LPCAT4: variants seen among roughly 807,000 people sequenced by gnomAD.
LPCAT4 encodes lysophosphatidylcholine acyltransferase 4.
A neutral mutation model predicts 66.5 loss-of-function variants in LPCAT4; 30 were observed. The ratio of observed to expected loss-of-function variants is 0.45; its 90% confidence interval spans 0.34 to 0.61. The LOEUF (loss-of-function observed/expected upper bound fraction) is 0.61. LPCAT4 is among the 20% of genes least tolerant of loss of function. The pLI is 0.01. For missense variants in LPCAT4, 557 were observed against 656.7 expected (o/e 0.85, Z 1.66); for synonymous variants, 253 against 262.1 (o/e 0.97, Z 0.34).
chr15:34,362,921 C>G, intron 7 of LPCAT4, 85 bp from the exon 8 acceptor site: 1 of 1,376,078 alleles, frequency 7.3e-7, no homozygotes, highest in Non-Finnish European at 1.0e-6. Context: ...CCTTCCCCAA[C>G]CCAGGTGGGG....
At position 34,359,086 on chromosome 15, in the gene LPCAT4, T is replaced by C. The variant is rs772998235; in HGVS notation, c.*41A>G. ...GGGGCTGAGGCATAGGGGAGGCCCC[T>C]AGCGCTGCCCTGAGGAGGAGGGGGT... On this transcript the variant is annotated 3_prime_UTR_variant, in exon 14 of 14. Transcript: ENST00000314891. 4 of 1,558,768 alleles carry C rather than the reference T, an allele frequency of 2.6e-6. No homozygotes were observed. Among genetic ancestry groups the C allele is most frequent in the Non-Finnish European group, 3.5e-6 (4 of 1,147,372 alleles).
chr15:34,361,468 C>T lies in LPCAT4; in HGVS notation c.1075G>A (p.Glu359Lys). ...GAGAGCTGTAGCTGCCTGGCAAACT[C>T]TTCCTGGCTGATCATTCGACTCCGG... is the stretch of plus-strand genomic sequence containing the variant. ...PGRSRMISQE[E>K]FARQLQLSDP... Residue 359 changes from glutamate (E) to lysine (K), a missense_variant, in exon 11 of 14, where the codon GAG becomes AAG. By Grantham distance (56) the Glu-to-Lys change is moderately conservative (BLOSUM62 1). Transcript: ENST00000314891. 2.5e-6 allele frequency: 4 copies of T among 1,614,184 alleles called. No individual in the cohort carries two copies. Among genetic ancestry groups the T allele is most frequent in the Non-Finnish European group, 3.4e-6 (4 of 1,180,034 alleles).
Position 34,365,303 on chromosome 15 carries a change from A to G in LPCAT4, c.258-75T>C, listed in dbSNP as rs1839164020. ...CCCGCCCCCAGGTTCAGACACCGGG[A>G]AAGTAGGGCACCCCTCTTTTACCCT... On this transcript the variant is annotated intron_variant, in intron 2 of 13. Transcript: ENST00000314891. 25 of 1,439,518 alleles carry G rather than the reference A, an allele frequency of 1.7e-5. 2 individuals carry two copies. In the South Asian group the frequency reaches 2.7e-4, roughly 16 times the overall value. 89.2% of individuals were successfully genotyped at this position (1,439,518 alleles called of 1,614,324 possible). A position where few individuals can be genotyped will look rare whatever the true frequency, so the allele number is the denominator to read the frequency against.
chr15:34,359,500 C>T (rs920443678), intron 13 of LPCAT4, 89 bp downstream of exon 13: 45 of 1,505,946 alleles, frequency 3.0e-5, no homozygotes, highest in Non-Finnish European at 3.8e-5. Context: ...GCACTGGCCA[C>T]TAACCCTTGT....
chr15:34,365,408 G>T, intron 2 of LPCAT4, 151 bp downstream of exon 2: 1 of 1,234,584 alleles, frequency 8.1e-7, no homozygotes, highest in Non-Finnish European at 1.1e-6. Context: ...GGTGAGGTCT[G>T]GGAACCACGT....
rs373830103 is a variant in LPCAT4 at position 34,362,365 on chromosome 15, G to C, written c.885-44C>G. On this transcript the variant is annotated intron_variant, in intron 9 of 13. Coordinates refer to ENST00000314891, the MANE Select transcript of LPCAT4 (RefSeq NM_153613.3). Reference sequence around the variant, plus strand: ...TGGGATGGAGGGTAAGGAAGCAGAAGAAACTTCTGAGGGTTGGTTCCTGAC... The same window carrying C: ...TGGGATGGAGGGTAAGGAAGCAGAACAAACTTCTGAGGGTTGGTTCCTGAC... The C allele has an allele frequency of 5.6e-6, 9 of 1,611,744 alleles. No homozygotes were observed. In the African/African-American group the frequency reaches 1.2e-4, roughly 22 times the overall value.
At chr15:34,365,447 C>G in intron 2 of LPCAT4, 112 bp downstream of exon 2, 1 of 1,476,270 alleles carries the variant, frequency 6.8e-7, no homozygotes, top group South Asian at 1.3e-5. Flanking sequence ...TCTCATCTAC[C>G]CAAGCTAGAC....
chr15:34,359,206 G>A lies in LPCAT4; in HGVS notation c.1496C>T (p.Thr499Ile), dbSNP rs372160520. The A allele has an allele frequency of 3.7e-6, 6 of 1,601,108 alleles. No homozygotes were observed. The highest frequency in any genetic ancestry group is 5.1e-6 in the Non-Finnish European group (6 of 1,173,968). The part of the protein sequence containing the change: ...PPHTSRGTSQ[T>I]PNASSPGNPT... Reference sequence around the variant, plus strand: ...GTTGCCTGGGGATGAGGCATTTGGTGTCTGGGAGGTGCCTCGAGAGGTGTG... The same window carrying A: ...GTTGCCTGGGGATGAGGCATTTGGTATCTGGGAGGTGCCTCGAGAGGTGTG... Residue 499 changes from threonine to isoleucine, a missense_variant, in exon 14 of 14, where the codon ACA becomes ATA. Physicochemically the swap from Thr to Ile is moderately conservative, Grantham distance 89. This residue lies in a region of LPCAT4 where 392 missense variants were observed against 473.9 expected (regional missense o/e 0.83). Transcript: ENST00000314891.
In LPCAT4 at chr15:34,362,565, G is replaced by A; in HGVS notation, c.884+8C>T. 2.6e-6 allele frequency: 4 copies of A among 1,541,492 alleles called. No individual in the cohort carries two copies. Among genetic ancestry groups the A allele is most frequent in the Non-Finnish European group, 3.5e-6 (4 of 1,143,428 alleles). ...ACTGCTCCAGGAAATAGTTTGTGGGGCACTCACTGTGCCATGACCCTCTGA... is the reference window on the plus strand; with the variant it reads ...ACTGCTCCAGGAAATAGTTTGTGGGACACTCACTGTGCCATGACCCTCTGA... On this transcript the variant is annotated splice_region_variant and intron_variant, in intron 9 of 13. Transcript: ENST00000314891.
At chr15:34,362,138 TTCTC>T (rs3053160) in intron 10 of LPCAT4, 54 bp downstream of exon 10, 290 of 1,484,122 alleles carry the variant, frequency 2.0e-4, no homozygotes, top group Non-Finnish European at 2.1e-4. Context: ...CCCCTTCTTA[TTCTC>T]TCTCTCTCTC....
Position 34,365,123 on chromosome 15 carries a change from G to A in LPCAT4, c.363C>T (p.Ala121=). Residue 121 remains alanine (A), a synonymous_variant, in exon 3 of 14, where the codon GCC becomes GCT. Coordinates refer to ENST00000314891, the MANE Select transcript of LPCAT4 (RefSeq NM_153613.3). The stretch of plus-strand genomic sequence containing the variant: ...AGTGTGGGGCAGCAACAAGGACAGG[G>A]GCTTGAAGGCGAGAGGCTCGCTGGC... The part of the protein sequence containing the change: ...VRGQRASRLQ[A]PVLVAAPHST... The A allele has an allele frequency of 1.9e-6, 3 of 1,614,218 alleles. No homozygotes were observed. The African/African-American group carries it at 4.0e-5, about 22-fold the overall frequency.
At chr15:34,364,590 ATTTT>A (rs59218958) in intron 3 of LPCAT4, 10 of 155,958 alleles carry the variant, frequency 6.4e-5, no homozygotes, top group South Asian at 1.5e-4. Flanking sequence ...CGCCCGGCTA[ATTTT>A]TTTTTTTTTT....
Sources: allele counts gnomAD v4.1 joint callset, GRCh38; gene constraint gnomAD v4.1.1; regional missense constraint gnomAD v4.1.1; transcripts MANE v1.5; gene names NCBI Gene and HGNC (gene_info 2026-07-23, HGNC 2026-07-21).